TNS3: variants seen among roughly 807,000 people sequenced by gnomAD.
The protein encoded by TNS3 is tensin-3.
In TNS3, 45 loss-of-function variants were observed where a neutral mutation model predicts 140.9. The observed-to-expected ratio is 0.32, with a 90% CI of 0.25 to 0.41. The LOEUF is 0.41. Among genes scored for constraint, TNS3 ranks in the 10% least tolerant of loss-of-function variants. The pLI is 1.00. For missense variants in TNS3, 1,716 were observed against 1,906.7 expected (o/e 0.90, Z 1.86); for synonymous variants, 815 against 788.4 (o/e 1.03, Z -0.56).
At chr7:47,490,782 G>A (rs1562799222) in intron 3 of TNS3, among the ~76,000 whole-genome samples, 1 of 152,224 alleles carries the variant, frequency 6.6e-6, no homozygotes, top group Non-Finnish European at 1.5e-5. Flanking sequence ...GCACTGCCCA[G>A]CCAGCTCACG....
At chr7:47,355,351 G>T (rs967219398) in intron 17 of TNS3, among the ~76,000 whole-genome samples, 1 of 152,332 alleles carries the variant, frequency 6.6e-6, no homozygotes, top group South Asian at 2.1e-4. Flanking sequence ...ACAACAGGGT[G>T]GGGGACGGTC....
At chr7:47,496,362 G>A (rs977588065) in intron 3 of TNS3, among the ~76,000 whole-genome samples, 4 of 152,164 alleles carry the variant, frequency 2.6e-5, no homozygotes, top group Admixed American at 6.5e-5. Flanking sequence ...TGTGGAAGGA[G>A]GGACGTTTCC....
At chr7:47,452,279 T>C (rs924769795) in intron 4 of TNS3, among the ~76,000 whole-genome samples, 8 of 152,322 alleles carry the variant, frequency 5.3e-5, no homozygotes, top group Middle Eastern at 6.8e-3. Context: ...GTAAGTGATT[T>C]TCCCAAAGCC....
chr7:47,538,257 C>CA (rs1445933435), intron 1 of TNS3, among the ~76,000 whole-genome samples: 6 of 152,038 alleles, frequency 3.9e-5, no homozygotes, highest in Admixed American at 3.9e-4. Flanking sequence ...TGGCTGTCTG[C>CA]AAGAAGCTTT....
Position 47,418,493 on chromosome 7 carries a change from T to C in TNS3, c.474-3287A>G, listed in dbSNP as rs1385797832. Among the ~76,000 whole-genome samples, 3 of 152,286 alleles carry C rather than the reference T, an allele frequency of 2.0e-5. No individual in the cohort carries two copies. In the East Asian group the frequency reaches 5.8e-4, roughly 29 times the overall value. Reference sequence around the variant, plus strand: ...TCTAAAGACCATCCCAACAGCCTTATCCAAAATAAAATGTTCCTACTTAGT... The same window carrying C: ...TCTAAAGACCATCCCAACAGCCTTACCCAAAATAAAATGTTCCTACTTAGT... On this transcript the variant is annotated intron_variant, in intron 10 of 30. Transcript: ENST00000311160.
In TNS3 at chr7:47,287,888, C is replaced by T. The variant is rs559120340; in HGVS notation, c.3929-4023G>A. On this transcript the variant is annotated intron_variant, in intron 27 of 30. Transcript: ENST00000311160. ...ATGAAGTCTTGACTCTAAGAAGACC[C>T]ACCCTTAAAAAACATTTGGAGTTAT... 4.2e-4 allele frequency among the ~76,000 whole-genome samples: 64 copies of T among 152,238 alleles called. 1 individual carries two copies. Among genetic ancestry groups the T allele is most frequent in the Middle Eastern group, 6.8e-3 (2 of 294 alleles).
At chr7:47,558,117 C>G (rs577751774) in intron 1 of TNS3, among the ~76,000 whole-genome samples, 2 of 152,288 alleles carry the variant, frequency 1.3e-5, no homozygotes, top group East Asian at 3.9e-4. Context: ...GGTGCTGACG[C>G]CTGTATACAG....
intron 11 of TNS3, 106 bp downstream of exon 11, chr7:47,414,988 G>C: frequency 1.3e-6 from 1 of 784,558 alleles, no homozygotes; most frequent in Non-Finnish European, 2.1e-6. Flanking sequence ...GCAGATCCTG[G>C]GCCCTCTCGG....
At chr7:47,503,127 T>C (rs1303437445) in intron 3 of TNS3, among the ~76,000 whole-genome samples, 1 of 152,102 alleles carries the variant, frequency 6.6e-6, no homozygotes, top group Non-Finnish European at 1.5e-5. Context: ...CGTGGGGTCT[T>C]AAGTTTACAA....
At chr7:47,419,217 A>G (rs529426794) in intron 10 of TNS3, among the ~76,000 whole-genome samples, 2 of 152,258 alleles carry the variant, frequency 1.3e-5, no homozygotes, top group Admixed American at 1.3e-4. Context: ...GTATGCTGCC[A>G]GAGTGTAGGT....
intron 4 of TNS3, among the ~76,000 whole-genome samples, chr7:47,449,874 A>G (rs2692542): frequency 0.67 from 102,074 of 152,186 alleles, 34,628 homozygotes; most frequent in Non-Finnish European, 0.73. Flanking sequence ...CCAAAGTGTT[A>G]GGATTACAGG....
At chr7:47,325,637 TC>T (rs1787986989) in intron 20 of TNS3, among the ~76,000 whole-genome samples, 2 of 152,266 alleles carry the variant, frequency 1.3e-5, no homozygotes, top group South Asian at 4.2e-4. Flanking sequence ...GTAAACTCAT[TC>T]TGTTTACAGT....
At chr7:47,466,748 C>A (rs979779399) in intron 4 of TNS3, among the ~76,000 whole-genome samples, 2 of 152,186 alleles carry the variant, frequency 1.3e-5, no homozygotes, top group Non-Finnish European at 2.9e-5. Flanking sequence ...TACAGAGGAC[C>A]AGAGCCTAGA....
chr7:47,530,816 T>A, intron 1 of TNS3, among the ~76,000 whole-genome samples: 1 of 23,344 alleles, frequency 4.3e-5, no homozygotes, highest in Admixed American at 6.2e-4. Context: ...AGAGTGAAAC[T>A]CCATCTCAAA....
In TNS3 at chr7:47,526,661, G is replaced by A. The variant is rs552662081; in HGVS notation, c.-153+2375C>T. On this transcript the variant is annotated intron_variant, in intron 2 of 30. Coordinates refer to ENST00000311160, the MANE Select transcript of TNS3 (RefSeq NM_022748.12). ...AGAAGTCAGTTCATGGGGAACCTTC[G>A]GCTGTGCAACTTTGCCTGGGACGTC... Among the ~76,000 whole-genome samples the A allele has an allele frequency of 1.2e-4, 18 of 152,286 alleles. 2 individuals are homozygous for A. The South Asian group carries it at 3.5e-3, about 30-fold the overall frequency.
At chr7:47,530,177 A>G (rs73332503) in intron 1 of TNS3, among the ~76,000 whole-genome samples, 4,612 of 152,298 alleles carry the variant, frequency 0.03, 236 homozygotes, top group African/African-American at 0.1. Context: ...TTAAGTAGAG[A>G]TCTGAAAAAC....
intron 2 of TNS3, among the ~76,000 whole-genome samples, chr7:47,518,566 C>T (rs915202217): frequency 6.6e-6 from 1 of 152,168 alleles, no homozygotes. Context: ...CAGAGGCCGA[C>T]GCCTGAATTC....
intron 4 of TNS3, among the ~76,000 whole-genome samples, chr7:47,459,503 C>T (rs1247662294): frequency 6.6e-6 from 1 of 152,166 alleles, no homozygotes; most frequent in Non-Finnish European, 1.5e-5. Flanking sequence ...CTCCAAACCT[C>T]TCTGCAAGCA....
intron 20 of TNS3, among the ~76,000 whole-genome samples, chr7:47,320,325 T>C (rs1787659610): frequency 6.6e-6 from 1 of 152,174 alleles, no homozygotes; most frequent in Non-Finnish European, 1.5e-5. Flanking sequence ...GTTTCCCACC[T>C]CTAGCTCATT....
Sources: allele counts gnomAD v4.1 joint callset (sites outside exome capture counted in the v4.1 genomes callset), GRCh38; gene constraint gnomAD v4.1.1; transcripts MANE v1.5; gene names NCBI Gene and HGNC (gene_info 2026-07-23, HGNC 2026-07-21).